LYST: variants seen among roughly 807,000 people sequenced by gnomAD.
LYST encodes the protein lysosomal-trafficking regulator.
LYST carries 192 observed loss-of-function variants against 413.6 expected under a neutral mutation model. That is an observed-to-expected ratio of 0.46 (90% CI 0.41 to 0.52). LYST has a LOEUF of 0.52. Among genes scored for constraint, LYST ranks in the 20% least tolerant of loss-of-function variants. The pLI is 0.00. For synonymous variants in LYST, 1,525 were observed against 1,567.3 expected, an observed-to-expected ratio of 0.97 and a Z score of 0.64; for missense variants, 3,815 against 4,499.9, an observed-to-expected ratio of 0.85 and a Z score of 4.35.
intron 38 of LYST, among the ~76,000 whole-genome samples, chr1:235,727,266 G>C (rs1325727526): frequency 6.6e-6 from 1 of 151,574 alleles, no homozygotes; most frequent in African/African-American, 2.4e-5. Context: ...GGGATTATAG[G>C]CGCCACCACC....
At chr1:235,703,031 G>C (rs566641807) in intron 44 of LYST, 54 bp from the exon 45 acceptor site, 3 of 1,241,450 alleles carry the variant, frequency 2.4e-6, no homozygotes, top group African/African-American at 2.9e-5. Context: ...AGAAAGACTT[G>C]ACAATAATAC....
Position 235,823,917 on chromosome 1 carries a change from C to T in LYST, c.192+6309G>A, listed in dbSNP as rs114743028. 6.3e-3 allele frequency among the ~76,000 whole-genome samples: 958 copies of T among 152,302 alleles called. 12 individuals carry two copies. The highest frequency in any genetic ancestry group is 0.022 in the African/African-American group (934 of 41,548). ...GCTCCTGGTAAAGACAGTCGCTGTC[C>T]TTTCATCTCCGCATCTAGCAGAGGT... On this transcript the variant is annotated intron_variant, in intron 3 of 52. Coordinates refer to ENST00000389793, the MANE Select transcript of LYST (RefSeq NM_000081.4).
At chr1:235,856,725 T>C (rs530073296) in intron 1 of LYST, among the ~76,000 whole-genome samples, 23 of 152,288 alleles carry the variant, frequency 1.5e-4, no homozygotes, top group African/African-American at 5.5e-4. Context: ...ATAAGGCTAA[T>C]AGAGAAATAT....
chr1:235,846,548 T>C (rs1164841958), intron 1 of LYST, among the ~76,000 whole-genome samples: 1 of 151,816 alleles, frequency 6.6e-6, no homozygotes, highest in Non-Finnish European at 1.5e-5. Context: ...TGACAAAGAA[T>C]TCAGGAGGTT....
At chr1:235,839,001 T>C (rs1392294503) in intron 1 of LYST, among the ~76,000 whole-genome samples, 1 of 152,118 alleles carries the variant, frequency 6.6e-6, no homozygotes, top group Non-Finnish European at 1.5e-5. Flanking sequence ...CCTTTCTTTC[T>C]TTTTGTAGAG....
In LYST at chr1:235,764,495, CTTTTTTTT is replaced by C. The variant is rs1020736833; in HGVS notation, c.6121+1576_6121+1583del. ...TACTACATTTCTTTTTTTTTCTTTTCTTTTTTTTTTTTTTTTTTTTTGAGATGGAGGTT... is the reference window on the plus strand; with the variant it reads ...TACTACATTTCTTTTTTTTTCTTTTCTTTTTTTTTTTTTGAGATGGAGGTT... On this transcript the variant is annotated intron_variant, in intron 21 of 52. Coordinates refer to ENST00000389793, the MANE Select transcript of LYST (RefSeq NM_000081.4). 4.7e-3 allele frequency among the ~76,000 whole-genome samples: 464 copies of C among 97,922 alleles called. 3 individuals carry two copies. The highest frequency in any genetic ancestry group is 0.022 in the Middle Eastern group (3 of 134). The allele number at this position is 97,922 out of a possible 152,430, so 64.2% of individuals were successfully genotyped here.
At chr1:235,692,828 C>T (rs1660772453) in intron 47 of LYST, among the ~76,000 whole-genome samples, 2 of 150,610 alleles carry the variant, frequency 1.3e-5, no homozygotes, top group African/African-American at 4.9e-5. Context: ...TGAGGCCAGC[C>T]TGGGCAACAT....
At chr1:235,682,865 T>C (rs1659931952) in intron 48 of LYST, among the ~76,000 whole-genome samples, 1 of 152,228 alleles carries the variant, frequency 6.6e-6, no homozygotes, top group African/African-American at 2.4e-5. Context: ...TCCAATTCAC[T>C]GAGTACAGAT....
chr1:235,872,066 C>A (rs562343201), intron 1 of LYST, among the ~76,000 whole-genome samples: 22 of 152,060 alleles, frequency 1.4e-4, no homozygotes, highest in Non-Finnish European at 2.8e-4. Flanking sequence ...GAGGCTGAGG[C>A]GGGTGGATCA....
At chr1:235,754,039 T>G (rs1666743741) in intron 25 of LYST, among the ~76,000 whole-genome samples, 2 of 152,042 alleles carry the variant, frequency 1.3e-5, no homozygotes, top group African/African-American at 4.8e-5. Context: ...TTTTTACACT[T>G]ATTTGCTAAT....
chr1:235,670,809 C>T (rs751741419), intron 50 of LYST, among the ~76,000 whole-genome samples: 1 of 152,066 alleles, frequency 6.6e-6, no homozygotes, highest in Non-Finnish European at 1.5e-5. Context: ...GTTAAGTCTC[C>T]AGGGAAAGGG....
At chr1:235,667,688 ATGG>A (rs1476628826) in intron 50 of LYST, among the ~76,000 whole-genome samples, 1 of 149,516 alleles carries the variant, frequency 6.7e-6, no homozygotes, top group African/African-American at 2.5e-5. Context: ...TTCTTTTGAG[ATGG>A]AGTCTCGCTC....
intron 4 of LYST, 23 bp downstream of exon 4, chr1:235,812,948 T>C: frequency 1.4e-6 from 2 of 1,456,504 alleles, no homozygotes; most frequent in African/African-American, 1.4e-5. Flanking sequence ...ACACAAGTGA[T>C]ATGATAAAGG....
chr1:235,791,979 C>T lies in LYST; in HGVS notation c.4263G>A (p.Lys1421=), dbSNP rs1331562619. 1 of 1,614,128 alleles carries T rather than the reference C, an allele frequency of 6.2e-7. No individual in the cohort carries two copies. The highest frequency in any genetic ancestry group is 2.2e-5 in the East Asian group (1 of 44,866). Residue 1421 remains lysine, a synonymous_variant, in exon 12 of 53, where the codon AAG becomes AAA. Transcript: ENST00000389793. The part of the protein sequence containing the change: ...SQKYPGILNS[K]AMGLLRRARV... ...GTGCTCTTCTCAATAAACCCATGGC[C>T]TTACTGTTTAAAATCCCAGGATACT...
intron 47 of LYST, among the ~76,000 whole-genome samples, chr1:235,689,026 T>TAATAATAATAATAAC (rs1202677227): frequency 2.8e-4 from 26 of 92,972 alleles, no homozygotes; most frequent in Non-Finnish European, 5.7e-4. Context: ...ATAATAATAA[T>TAATAATAATAATAAC]AACAACAACA....
At chr1:235,778,492 G>A (rs767901794) in intron 16 of LYST, among the ~76,000 whole-genome samples, 2 of 151,372 alleles carry the variant, frequency 1.3e-5, no homozygotes, top group African/African-American at 4.9e-5. Flanking sequence ...CTCCTGCTTC[G>A]GCCTCCTGAG....
intron 9 of LYST, among the ~76,000 whole-genome samples, 199 bp from the exon 10 acceptor site, chr1:235,800,585 G>A (rs569686258): frequency 2.0e-5 from 3 of 152,150 alleles, no homozygotes; most frequent in South Asian, 2.1e-4. Context: ...TCAAAACAGC[G>A]AGCATGTATT....
At chr1:235,790,823 T>G (rs999932162) in intron 12 of LYST, among the ~76,000 whole-genome samples, 2 of 152,174 alleles carry the variant, frequency 1.3e-5, no homozygotes, top group African/African-American at 4.8e-5. Context: ...TGGAATGAAA[T>G]TTATTCTAAT....
In LYST at chr1:235,773,944, C is replaced by T; in HGVS notation, c.5682G>A (p.Glu1894=). 1 of 1,606,404 alleles carries T rather than the reference C, an allele frequency of 6.2e-7. No homozygotes were observed. Among genetic ancestry groups the T allele is most frequent in the Non-Finnish European group, 8.5e-7 (1 of 1,173,132 alleles). ...CCGEDIIYMN[E]NGEFKLDVDS... is the part of the protein sequence containing the mutation. Reference sequence around the variant, plus strand: ...CTACATCCAACTTAAACTCTCCATTCTCATTCATATAAATAATATCTTCAC... The same window carrying T: ...CTACATCCAACTTAAACTCTCCATTTTCATTCATATAAATAATATCTTCAC... The change falls in exon 19 of 53, where the codon GAG becomes GAA. Residue 1894 remains glutamate, a synonymous_variant. Transcript: ENST00000389793.
Sources: allele counts gnomAD v4.1 joint callset (sites outside exome capture counted in the v4.1 genomes callset), GRCh38; gene constraint gnomAD v4.1.1; transcripts MANE v1.5; gene names NCBI Gene and HGNC (gene_info 2026-07-23, HGNC 2026-07-21).